CEP112: variants seen among roughly 807,000 people sequenced by gnomAD.
The protein encoded by CEP112 is centrosomal protein 112, also known as centrosomal protein of 112 kDa.
CEP112 carries 127 observed loss-of-function variants against 153.0 expected under a neutral mutation model. That is an observed-to-expected ratio of 0.83 (90% CI 0.72 to 0.96). The LOEUF (loss-of-function observed/expected upper bound fraction) is 0.96, where lower values mean the gene tolerates loss of function less well. Among genes scored for constraint, CEP112 ranks in the 40% least tolerant of loss-of-function variants. The probability of loss-of-function intolerance (pLI) is 0.00; values close to 1 mark genes in which losing one functional copy is unlikely to be tolerated. For missense variants in CEP112, 1,089 were observed against 1,101.2 expected, an observed-to-expected ratio of 0.99 and a Z score of 0.16; for synonymous variants, 358 against 374.4, an observed-to-expected ratio of 0.96 and a Z score of 0.51.
chr17:65,661,784 T>C (rs912332721), intron 24 of CEP112: 2 of 152,188 alleles, frequency 1.3e-5, no homozygotes, highest in African/African-American at 4.8e-5. Flanking sequence ...TACAACCACG[T>C]AGACCTGGGC....
chr17:65,664,958 C>G (rs1206876063), intron 24 of CEP112, among the ~76,000 whole-genome samples: 2 of 152,202 alleles, frequency 1.3e-5, no homozygotes, highest in Non-Finnish European at 2.9e-5. Context: ...TGCCTCCTTA[C>G]TGTATCCTCA....
intron 18 of CEP112, among the ~76,000 whole-genome samples, chr17:65,937,425 C>G (rs1386828951): frequency 6.5e-5 from 7 of 107,240 alleles, no homozygotes; most frequent in African/African-American, 1.3e-4. Flanking sequence ...GCCTCTGCCC[C>G]ACCGCCCCGT....
At chr17:65,892,547 A>G (rs191001379) in intron 20 of CEP112, among the ~76,000 whole-genome samples, 5 of 152,084 alleles carry the variant, frequency 3.3e-5, no homozygotes, top group Non-Finnish European at 5.9e-5. Flanking sequence ...GTGTGCCACT[A>G]GAAATGGTTA....
chr17:65,655,083 C>G (rs1357273885), intron 24 of CEP112: 1 of 694,274 alleles, frequency 1.4e-6, no homozygotes, highest in Non-Finnish European at 2.7e-6. Context: ...ATCATTGGCA[C>G]CAATAATGTG....
chr17:65,800,454 C>A (rs1485644669), intron 21 of CEP112, among the ~76,000 whole-genome samples: 1 of 152,134 alleles, frequency 6.6e-6, no homozygotes, highest in Non-Finnish European at 1.5e-5. Flanking sequence ...TTACTTTTTA[C>A]AGCTGAGTAA....
chr17:65,772,443 G>A (rs1194183950), intron 21 of CEP112, among the ~76,000 whole-genome samples: 2 of 152,024 alleles, frequency 1.3e-5, no homozygotes, highest in Non-Finnish European at 2.9e-5. Flanking sequence ...GACATTAATA[G>A]GGTAATAAGA....
chr17:65,800,863 G>A (rs2055228393), intron 21 of CEP112, among the ~76,000 whole-genome samples: 1 of 152,136 alleles, frequency 6.6e-6, no homozygotes, highest in South Asian at 2.1e-4. Flanking sequence ...AATGACTAAT[G>A]GTGTTGAGCA....
At position 65,689,157 on chromosome 17, in the gene CEP112, T is replaced by A; in HGVS notation, c.2669A>T (p.Gln890Leu). ...TTCCTGTGACTCCAATTCTTTGTGTTGTAATTTTTTCTCTGCACATCGCAC... is the reference window on the plus strand; with the variant it reads ...TTCCTGTGACTCCAATTCTTTGTGTAGTAATTTTTTCTCTGCACATCGCAC... ...NQVRCAEKKLQHKELESQEQI... is the reference protein window; with the variant it reads ...NQVRCAEKKLLHKELESQEQI... The change falls in exon 24 of 27, where the codon CAA becomes CTA. Residue 890 changes from glutamine (Q) to leucine (L), a missense_variant. Gln to Leu is a moderately radical substitution (Grantham distance 113, BLOSUM62 -2). Coordinates refer to ENST00000535342, the MANE Select transcript of CEP112 (RefSeq NM_001199165.4). The A allele has an allele frequency of 6.2e-7, 1 of 1,613,350 alleles. No homozygotes were observed. Among genetic ancestry groups the A allele is most frequent in the Non-Finnish European group, 8.5e-7 (1 of 1,179,282 alleles).
At chr17:65,979,016 G>A (rs1599239680) in intron 17 of CEP112, among the ~76,000 whole-genome samples, 2 of 152,110 alleles carry the variant, frequency 1.3e-5, no homozygotes, top group East Asian at 1.9e-4. Flanking sequence ...TTTACATTGT[G>A]CTTCTTGGAG....
chr17:65,742,958 T>A, intron 23 of CEP112, 110 bp downstream of exon 23: 1 of 784,444 alleles, frequency 1.3e-6, no homozygotes, highest in East Asian at 2.8e-5. Flanking sequence ...CTGCAGGCTG[T>A]GTGAACAAGC....
Position 66,099,525 on chromosome 17 carries a change from G to C in CEP112, c.643-2893C>G, listed in dbSNP as rs1305699025. 2.8e-5 allele frequency among the ~76,000 whole-genome samples: 3 copies of C among 106,340 alleles called. 1 individual carries two copies. Among genetic ancestry groups the C allele is most frequent in the East Asian group, 9.2e-4 (2 of 2,180 alleles). 69.8% of individuals were successfully genotyped at this position (106,340 alleles called of 152,430 possible). A position where few individuals can be genotyped will look rare whatever the true frequency, so the allele number is the denominator to read the frequency against. On this transcript the variant is annotated intron_variant, in intron 6 of 26. Transcript: ENST00000535342. ...GTCTCAAAAAAAAAAAAAAAAAAAA[G>C]AATAAAGAAGACAAGCCAGGCTGAC...
chr17:66,066,635 TATATAA>T (rs2067131019), intron 10 of CEP112, 137 bp downstream of exon 10: 1 of 513,588 alleles, frequency 1.9e-6, no homozygotes. Flanking sequence ...TATGGAAGCC[TATATAA>T]ATATATCCAC....
chr17:65,718,361 T>C (rs896150908), intron 23 of CEP112, among the ~76,000 whole-genome samples: 1 of 151,196 alleles, frequency 6.6e-6, no homozygotes, highest in Admixed American at 6.6e-5. Context: ...TGAGCCGAGG[T>C]TGCACCATTG....
intron 24 of CEP112, among the ~76,000 whole-genome samples, chr17:65,677,899 C>T (rs895267105): frequency 6.6e-6 from 1 of 152,120 alleles, no homozygotes; most frequent in Middle Eastern, 3.2e-3. Flanking sequence ...GGAGACAGAA[C>T]AAGACCTTTA....
At chr17:65,662,601 G>A (rs1194367294) in intron 24 of CEP112, among the ~76,000 whole-genome samples, 1 of 152,138 alleles carries the variant, frequency 6.6e-6, no homozygotes, top group African/African-American at 2.4e-5. Context: ...AAGAATTCAT[G>A]GTAAAGAGTA....
chr17:66,035,859 T>C (rs2065716624), intron 12 of CEP112, among the ~76,000 whole-genome samples: 1 of 152,138 alleles, frequency 6.6e-6, no homozygotes, highest in Non-Finnish European at 1.5e-5. Flanking sequence ...TAAAACAGCT[T>C]GCCACTGCAA....
intron 20 of CEP112, among the ~76,000 whole-genome samples, chr17:65,889,026 C>T (rs957569279): frequency 1.3e-5 from 2 of 152,238 alleles, no homozygotes; most frequent in East Asian, 3.9e-4. Context: ...GGCGTGAAGG[C>T]TTTCTTAGTA....
At chr17:65,981,008 G>A (rs1206668842) in intron 17 of CEP112, among the ~76,000 whole-genome samples, 1 of 152,030 alleles carries the variant, frequency 6.6e-6, no homozygotes, top group African/African-American at 2.4e-5. Flanking sequence ...ATGGAGAGGG[G>A]TTTCTCCATG....
chr17:65,842,986 A>G, intron 21 of CEP112, among the ~76,000 whole-genome samples: 1 of 152,128 alleles, frequency 6.6e-6, no homozygotes. Context: ...TACCCATGTA[A>G]CAAACCTGCA....
Sources: gnomAD v4.1 joint callset for allele counts (sites outside exome capture counted in the v4.1 genomes callset) on GRCh38, gnomAD v4.1.1 for gene constraint, MANE v1.5 for transcripts, NCBI Gene and HGNC (gene_info 2026-07-23, HGNC 2026-07-21) for gene names.